ATP2C2: variants seen among roughly 807,000 people sequenced by gnomAD.
The protein encoded by ATP2C2 is ATPase secretory pathway Ca2+ transporting 2.
In ATP2C2, 171 loss-of-function variants were observed where a neutral mutation model predicts 110.8. The ratio of observed to expected loss-of-function variants is 1.54; its 90% CI spans 1.36 to 1.75. The LOEUF is 1.75. Among genes scored for constraint, ATP2C2 ranks in the 40% most tolerant of loss-of-function variants. The pLI, the probability that ATP2C2 is intolerant of heterozygous loss-of-function variation, is 0.00. For missense variants in ATP2C2, 1,963 were observed against 1,235.0 expected (o/e 1.59, Z -8.84); for synonymous variants, 804 against 508.4 (o/e 1.58, Z -7.82).
chr16:84,432,377 C>T (rs891097069), intron 11 of ATP2C2, among the ~76,000 whole-genome samples: 11 of 152,092 alleles, frequency 7.2e-5, no homozygotes, highest in Admixed American at 4.6e-4. Flanking sequence ...ACCAACCCGT[C>T]ATCTAGGTTT....
chr16:84,417,970 C>G (rs537374296), intron 7 of ATP2C2, among the ~76,000 whole-genome samples: 3 of 152,296 alleles, frequency 2.0e-5, no homozygotes, highest in African/African-American at 7.2e-5. Flanking sequence ...CAAGAAAGCT[C>G]TTAAAGTAAT....
rs148690253 is a variant in ATP2C2, at chr16:84,438,562, G to T, written c.987-604G>T. 2.0e-5 allele frequency among the ~76,000 whole-genome samples: 3 copies of T among 152,312 alleles called. No homozygotes were observed. In the East Asian group the frequency reaches 5.8e-4, roughly 29 times the overall value. On this transcript the variant is annotated intron_variant, in intron 11 of 26. Transcript: ENST00000262429. ...GCTCTCCTCGAATCCAGCCAACCCT[G>T]GTTATGAGAGAGTGGGGTCGCACCG... is the stretch of plus-strand genomic sequence containing the variant.
At chr16:84,445,310 G>A (rs1052124249) in intron 15 of ATP2C2, among the ~76,000 whole-genome samples, 2 of 151,608 alleles carry the variant, frequency 1.3e-5, no homozygotes, top group Admixed American at 6.6e-5. Context: ...CCAGGTTCAA[G>A]CGATTCTCCT....
chr16:84,399,253 G>T (rs1316605614), intron 2 of ATP2C2, among the ~76,000 whole-genome samples: 5 of 152,236 alleles, frequency 3.3e-5, no homozygotes, highest in African/African-American at 1.2e-4. Context: ...GAAGTTGGAA[G>T]CTAGTGTCTT....
chr16:84,395,224 C>T (rs1904897862), intron 1 of ATP2C2, among the ~76,000 whole-genome samples: 2 of 152,070 alleles, frequency 1.3e-5, no homozygotes, highest in African/African-American at 4.8e-5. Context: ...TGGACTCTGC[C>T]CCTGCAGTCA....
chr16:84,460,250 C>T (rs907806823), intron 23 of ATP2C2: 2 of 281,842 alleles, frequency 7.1e-6, no homozygotes, highest in African/African-American at 4.4e-5. Flanking sequence ...CTAGCCTCAA[C>T]CCTGCTGTGT....
chr16:84,383,188 G>GT (rs2151401526), intron 1 of ATP2C2, among the ~76,000 whole-genome samples: 1 of 152,334 alleles, frequency 6.6e-6, no homozygotes, highest in South Asian at 2.1e-4. Flanking sequence ...CTAGGAACCA[G>GT]CCTCACTGTC....
chr16:84,438,842 G>A (rs247908), intron 11 of ATP2C2, among the ~76,000 whole-genome samples: 116,372 of 152,150 alleles, frequency 0.76, 44,757 homozygotes, highest in East Asian at 0.84. Context: ...GGAACCCAAA[G>A]CCTTTTCTCT....
At chr16:84,379,644 A>T (rs1487659433) in intron 1 of ATP2C2, among the ~76,000 whole-genome samples, 2 of 152,132 alleles carry the variant, frequency 1.3e-5, no homozygotes, top group Non-Finnish European at 2.9e-5. Context: ...GGGGGTTCTG[A>T]GGCTCCCTGG....
intron 11 of ATP2C2, among the ~76,000 whole-genome samples, chr16:84,429,452 C>T (rs1344633441): frequency 6.6e-6 from 1 of 152,200 alleles, no homozygotes; most frequent in Non-Finnish European, 1.5e-5. Flanking sequence ...TGCTTCCAGC[C>T]TTCGTGGAGC....
chr16:84,428,949 G>A (rs907882192), intron 11 of ATP2C2, among the ~76,000 whole-genome samples: 3 of 152,110 alleles, frequency 2.0e-5, no homozygotes, highest in African/African-American at 7.2e-5. Flanking sequence ...GTCTTTGCTG[G>A]GTTGCAGCCC....
At chr16:84,432,924 G>A (rs1401971920) in intron 11 of ATP2C2, among the ~76,000 whole-genome samples, 1 of 152,150 alleles carries the variant, frequency 6.6e-6, no homozygotes, top group Admixed American at 6.5e-5. Flanking sequence ...CTGAGAGCGG[G>A]CTCCAGCAAG....
intron 1 of ATP2C2, among the ~76,000 whole-genome samples, chr16:84,374,409 A>C (rs1198426471): frequency 6.6e-6 from 1 of 152,136 alleles, no homozygotes; most frequent in Non-Finnish European, 1.5e-5. Context: ...CCTGAGTTGT[A>C]AGTTGCCCCC....
chr16:84,370,497 A>T (rs993977025), intron 1 of ATP2C2, among the ~76,000 whole-genome samples: 1 of 151,874 alleles, frequency 6.6e-6, no homozygotes. Flanking sequence ...GTGAGGAGGG[A>T]GGGAGGTGGG....
At chr16:84,450,479 C>T (rs960004728) in intron 17 of ATP2C2, among the ~76,000 whole-genome samples, 18 of 152,010 alleles carry the variant, frequency 1.2e-4, no homozygotes, top group African/African-American at 4.4e-4. Flanking sequence ...GAGGGGAGCA[C>T]GGAGGCAGGA....
At chr16:84,403,185 C>G (rs1032137199) in intron 2 of ATP2C2, among the ~76,000 whole-genome samples, 1 of 151,628 alleles carries the variant, frequency 6.6e-6, no homozygotes, top group Non-Finnish European at 1.5e-5. Context: ...TTTTCTTAGC[C>G]TGGCTAAAGG....
chr16:84,377,501 G>C (rs910572555), intron 1 of ATP2C2, among the ~76,000 whole-genome samples: 1 of 152,000 alleles, frequency 6.6e-6, no homozygotes, highest in African/African-American at 2.4e-5. Context: ...TCCTCCGGAG[G>C]CCTCTCTGCT....
intron 18 of ATP2C2, among the ~76,000 whole-genome samples, chr16:84,452,661 G>C (rs758397285): frequency 6.6e-6 from 1 of 152,038 alleles, no homozygotes; most frequent in Middle Eastern, 3.2e-3. Context: ...ACCGCGCCCA[G>C]CTAATTTTTT....
In ATP2C2 at chr16:84,440,697, A is replaced by G. The variant is rs1011002168; in HGVS notation, c.1210-160A>G. ...ACTGTGTCCATCCATGACGTATCCA[A>G]TTAATCAATAATCTTTCAGAGAACA... On this transcript the variant is annotated intron_variant, in intron 13 of 26. Coordinates refer to ENST00000262429, the MANE Select transcript of ATP2C2 (RefSeq NM_014861.4). 2.6e-5 allele frequency among the ~76,000 whole-genome samples: 4 copies of G among 152,340 alleles called. No individual in the cohort carries two copies. In the Middle Eastern group the frequency reaches 0.01, roughly 389 times the overall value.
Sources: gnomAD v4.1 joint callset for allele counts (sites outside exome capture counted in the v4.1 genomes callset) on GRCh38, gnomAD v4.1.1 for gene constraint, MANE v1.5 for transcripts, NCBI Gene and HGNC (gene_info 2026-07-23, HGNC 2026-07-21) for gene names.